The following GARIN1B variants were observed in gnomAD, a reference collection of about 807,000 sequenced individuals.
The protein encoded by GARIN1B is Golgi-associated RAB2 interactor protein 1B.
the GARIN1B span, among the ~76,000 whole-genome samples, chr7:128,722,738 A>C: frequency 6.6e-6 from 1 of 152,016 alleles, no homozygotes; most frequent in African/African-American, 2.4e-5. Context: ...CAGGAGGCAG[A>C]GGTCTCAGTG....
the GARIN1B span, among the ~76,000 whole-genome samples, chr7:128,709,710 G>T: frequency 6.9e-6 from 1 of 145,276 alleles, no homozygotes; most frequent in African/African-American, 2.5e-5. Context: ...GTGGAAACCA[G>T]AAAACATGCT....
At chr7:128,731,270 T>C in the GARIN1B span, 1 of 781,464 alleles carries the variant, frequency 1.3e-6, no homozygotes. Flanking sequence ...TTTCCAGCTG[T>C]ACATAACCAC....
chr7:128,725,491 C>G, the GARIN1B span, among the ~76,000 whole-genome samples: 1 of 152,258 alleles, frequency 6.6e-6, no homozygotes, highest in African/African-American at 2.4e-5. Context: ...AATGCCTTAG[C>G]CTCCAGTGTA....
the GARIN1B span, among the ~76,000 whole-genome samples, chr7:128,711,065 G>A: frequency 6.6e-6 from 1 of 152,160 alleles, no homozygotes; most frequent in Admixed American, 6.5e-5. Flanking sequence ...ATTTCCTTGA[G>A]AGTGCAGAGA....
At chr7:128,711,395 C>G in the GARIN1B span, among the ~76,000 whole-genome samples, 4 of 152,028 alleles carry the variant, frequency 2.6e-5, no homozygotes, top group Non-Finnish European at 5.9e-5. Context: ...CTCAACTGCT[C>G]TCACTAATAA....
At chr7:128,723,339 C>T in the GARIN1B span, 1 of 1,606,140 alleles carries the variant, frequency 6.2e-7, no homozygotes, top group Non-Finnish European at 8.5e-7. Flanking sequence ...TAAATCAAGC[C>T]AGCCTCTGAC....
At chr7:128,719,032 C>G in the GARIN1B span, 1 of 1,614,106 alleles carries the variant, frequency 6.2e-7, no homozygotes, top group South Asian at 1.1e-5. Context: ...GGATTCTTGT[C>G]ACGCACTGCC....
At chr7:128,727,410 A>C in the GARIN1B span, among the ~76,000 whole-genome samples, 1 of 152,226 alleles carries the variant, frequency 6.6e-6, no homozygotes, top group African/African-American at 2.4e-5. Context: ...CTTGCCTGGG[A>C]GGCATGGTTT....
At chr7:128,712,346 C>T in the GARIN1B span, among the ~76,000 whole-genome samples, 24 of 152,126 alleles carry the variant, frequency 1.6e-4, no homozygotes, top group Non-Finnish European at 1.5e-5. Flanking sequence ...CCATTTTAAC[C>T]ATTTTAGGTA....
At chr7:128,723,553 CTTTTT>C in the GARIN1B span, 3 of 161,150 alleles carry the variant, frequency 1.9e-5, no homozygotes, top group African/African-American at 2.7e-5. Context: ...ACTATCCAGT[CTTTTT>C]TTTTTTTTTT....
the GARIN1B span, chr7:128,723,478 C>A: frequency 2.8e-6 from 2 of 721,922 alleles, no homozygotes; most frequent in Non-Finnish European, 4.2e-6. Context: ...TTTGGGAGGT[C>A]AAGGCAGATG....
the GARIN1B span, chr7:128,723,291 C>T: frequency 1.4e-5 from 23 of 1,612,506 alleles, no homozygotes; most frequent in Admixed American, 3.8e-4. Flanking sequence ...CAGATTTTTG[C>T]CGACTTACAC....
chr7:128,716,975 G>GC, the GARIN1B span: 1 of 1,612,172 alleles, frequency 6.2e-7, no homozygotes, highest in Non-Finnish European at 8.5e-7. Context: ...ACCATCCATA[G>GC]CCCCCAACAT....
the GARIN1B span, among the ~76,000 whole-genome samples, chr7:128,711,658 G>GACACAC: frequency 7.6e-3 from 1,104 of 144,954 alleles, 10 homozygotes; most frequent in African/African-American, 0.025. Context: ...TGGTTTTACA[G>GACACAC]ACACACACAC....
the GARIN1B span, chr7:128,730,099 T>G: frequency 6.2e-7 from 1 of 1,600,564 alleles, no homozygotes; most frequent in Admixed American, 1.7e-5. Context: ...CCCCTGCCAT[T>G]GTGGGGCAGC....
the GARIN1B span, chr7:128,729,881 G>T: frequency 6.2e-7 from 1 of 1,609,108 alleles, no homozygotes; most frequent in Non-Finnish European, 8.5e-7. Context: ...ACAAGCAAAT[G>T]CATTTCTTTA....
At chr7:128,719,188 C>G in the GARIN1B span, 5 of 1,186,542 alleles carry the variant, frequency 4.2e-6, no homozygotes, top group East Asian at 2.4e-5. Flanking sequence ...CAGTGTGAGG[C>G]CTTTTCTAAA....
At chr7:128,715,597 A>G in the GARIN1B span, 2 of 1,614,140 alleles carry the variant, frequency 1.2e-6, no homozygotes, top group Non-Finnish European at 1.7e-6. Flanking sequence ...GAGCGGGCCT[A>G]GGTGTGGAGG....
At chr7:128,719,173 G>T in the GARIN1B span, 16 of 1,397,920 alleles carry the variant, frequency 1.1e-5, no homozygotes, top group Non-Finnish European at 1.5e-5. Context: ...CTATGAAGGT[G>T]ATCTCAGTGT....
Sources: gnomAD v4.1 joint callset for allele counts (sites outside exome capture counted in the v4.1 genomes callset) on GRCh38, gnomAD v4.1.1 for gene constraint, MANE v1.5 for transcripts, NCBI Gene and HGNC (gene_info 2026-07-23, HGNC 2026-07-21) for gene names.